TBP: variants seen among roughly 807,000 people sequenced by gnomAD.
The protein encoded by TBP is TATA-box-binding protein.
TBP carries 12 observed loss-of-function variants against 46.2 expected under a neutral mutation model. The observed-to-expected ratio is 0.26, with a 90% CI of 0.17 to 0.42. The LOEUF (loss-of-function observed/expected upper bound fraction) is 0.42, where lower values mean the gene tolerates loss of function less well. TBP is among the 10% of genes least tolerant of loss of function. TBP has a pLI of 1.00. For missense variants in TBP, 229 were observed against 403.1 expected, an observed-to-expected ratio of 0.57 and a Z score of 3.70; for synonymous variants, 157 against 148.3, an observed-to-expected ratio of 1.06 and a Z score of -0.42.
intron 1 of TBP, among the ~76,000 whole-genome samples, chr6:170,555,773 T>G (rs762969997): frequency 4.6e-5 from 7 of 152,200 alleles, no homozygotes; most frequent in Non-Finnish European, 1.0e-4. Flanking sequence ...GGCTGGTTTC[T>G]GCATTCAAGG....
intron 4 of TBP, among the ~76,000 whole-genome samples, chr6:170,565,426 G>C (rs1020933544): frequency 6.6e-6 from 1 of 152,186 alleles, no homozygotes; most frequent in Non-Finnish European, 1.5e-5. Context: ...TGGGTTGAGA[G>C]AAATGTTAAG....
At chr6:170,569,828 A>C in intron 6 of TBP, 49 bp downstream of exon 6, 1 of 1,546,314 alleles carries the variant, frequency 6.5e-7, no homozygotes, top group Non-Finnish European at 8.8e-7. Context: ...TTCATTTATA[A>C]TCTAAACATT....
At chr6:170,567,148 TA>T in intron 5 of TBP, 139 bp downstream of exon 5, 1 of 324,504 alleles carries the variant, frequency 3.1e-6, no homozygotes, top group African/African-American at 2.5e-5. Context: ...ATGATTCTAT[TA>T]ATTATTTTTA....
chr6:170,565,801 G>A (rs541436122), intron 4 of TBP, among the ~76,000 whole-genome samples: 103 of 152,264 alleles, frequency 6.8e-4, no homozygotes, highest in Non-Finnish European at 1.1e-3. Context: ...AGCCAGGCAT[G>A]GTGACTCAGA....
chr6:170,562,021 G>GCAGCAGCAGCAGCA lies in TBP; in HGVS notation c.285_286insCAGCAGCAGCAGCA (p.Ala96GlnfsTer53). 1 of 1,612,008 alleles carries GCAGCAGCAGCAGCA rather than the reference G, an allele frequency of 6.2e-7. No individual in the cohort carries two copies. The highest frequency in any genetic ancestry group is 8.5e-7 in the Non-Finnish European group (1 of 1,179,534). ...AGCAGCAGCAGCAGCAGCAGCAACA[G>GCAGCAGCAGCAGCA]GCAGTGGCAGCTGCAGCCGTTCAGC... is the stretch of plus-strand genomic sequence containing the variant. On this transcript the variant is annotated frameshift_variant, in exon 3 of 8. Transcript: ENST00000392092. LOFTEE classifies it high-confidence loss of function.
At position 170,561,820 on chromosome 6, in the gene TBP, T is replaced by C; in HGVS notation, c.84T>C (p.Phe28=). The change falls in exon 3 of 8, where the codon TTT becomes TTC. Residue 28 remains phenylalanine, a synonymous_variant. Coordinates refer to ENST00000392092, the MANE Select transcript of TBP (RefSeq NM_003194.5). ...QGAMTPGIPI[F]SPMMPYGTGL... is the part of the protein sequence containing the mutation. ...CCATGACTCCCGGAATCCCTATCTT[T>C]AGTCCAATGATGCCTTATGGCACTG... 1 of 1,611,966 alleles carries C rather than the reference T, an allele frequency of 6.2e-7. No homozygotes were observed. Among genetic ancestry groups the C allele is most frequent in the South Asian group, 1.1e-5 (1 of 91,072 alleles).
intron 3 of TBP, among the ~76,000 whole-genome samples, chr6:170,564,284 A>C (rs1562360626): frequency 6.6e-6 from 1 of 152,106 alleles, no homozygotes; most frequent in Non-Finnish European, 1.5e-5. Context: ...AGCAAGTTGC[A>C]CTCTACCTTT....
chr6:170,568,828 T>TTTC (rs1779320479), intron 5 of TBP, among the ~76,000 whole-genome samples: 2 of 117,484 alleles, frequency 1.7e-5, no homozygotes, highest in African/African-American at 6.8e-5. Context: ...TTTTTTTTTT[T>TTTC]TTTTTTTTTT....
intron 2 of TBP, among the ~76,000 whole-genome samples, chr6:170,559,522 CAGAGCAAGG>C (rs1779100696): frequency 6.6e-6 from 1 of 152,160 alleles, no homozygotes; most frequent in Non-Finnish European, 1.5e-5. Context: ...AAGTGTAATA[CAGAGCAAGG>C]CCTTAACTCT....
At chr6:170,555,312 C>T (rs1583122252) in intron 1 of TBP, among the ~76,000 whole-genome samples, 1 of 152,226 alleles carries the variant, frequency 6.6e-6, no homozygotes, top group Admixed American at 6.5e-5. Flanking sequence ...AAACTTCCGT[C>T]CTCCAGTTTT....
At chr6:170,567,770 C>T (rs1284281619) in intron 5 of TBP, among the ~76,000 whole-genome samples, 1 of 151,976 alleles carries the variant, frequency 6.6e-6, no homozygotes, top group Non-Finnish European at 1.5e-5. Context: ...AGGAATGCAC[C>T]CTTGTTATAA....
At chr6:170,567,852 C>A (rs771570994) in intron 5 of TBP, among the ~76,000 whole-genome samples, 2 of 152,174 alleles carry the variant, frequency 1.3e-5, no homozygotes, top group African/African-American at 4.8e-5. Context: ...CCTGACTGTT[C>A]TAAACAGAGC....
At position 170,572,173 on chromosome 6, in the gene TBP, CT is replaced by C; in HGVS notation, c.941-11del. The C allele has an allele frequency of 6.2e-7, 1 of 1,608,846 alleles. No homozygotes were observed. Among genetic ancestry groups the C allele is most frequent in the East Asian group, 2.2e-5 (1 of 44,820 alleles). On this transcript the variant is annotated splice_polypyrimidine_tract_variant and intron_variant, in intron 7 of 7. Transcript: ENST00000392092. ...TTTCAGTCTCTCATCTCTACTCCAACTTGTCTTCTTAGGTGCTAAAGTCAGA... is the reference window on the plus strand; with the variant it reads ...TTTCAGTCTCTCATCTCTACTCCAACTGTCTTCTTAGGTGCTAAAGTCAGA...
At chr6:170,555,941 CAAAA>C (rs530726853) in intron 1 of TBP, among the ~76,000 whole-genome samples, 1 of 150,338 alleles carries the variant, frequency 6.7e-6, no homozygotes, top group African/African-American at 2.4e-5. Flanking sequence ...GGATAACTGT[CAAAA>C]AAAAAGTATA....
chr6:170,562,974 T>A (rs1388797779), intron 3 of TBP, among the ~76,000 whole-genome samples: 1 of 152,198 alleles, frequency 6.6e-6, no homozygotes, highest in Non-Finnish European at 1.5e-5. Flanking sequence ...TTGCATTTAT[T>A]CACCTTGTTA....
In TBP at chr6:170,556,947, T is replaced by G; in HGVS notation, c.-83T>G. On this transcript the variant is annotated 5_prime_UTR_variant, in exon 2 of 8. Coordinates refer to ENST00000392092, the MANE Select transcript of TBP (RefSeq NM_003194.5). ...GAGGAAGTTGCTGAGAAGAGTGTGC[T>G]GGAGATGCTCTAGGAAAAAATTGAA... 1 of 1,315,770 alleles carries G rather than the reference T, an allele frequency of 7.6e-7. No homozygotes were observed. The highest frequency in any genetic ancestry group is 1.1e-6 in the Non-Finnish European group (1 of 912,296). The allele number at this position is 1,315,770 out of a possible 1,614,324, so 81.5% of individuals were successfully genotyped here. A position where few individuals can be genotyped will look rare whatever the true frequency, so the allele number is the denominator to read the frequency against.
intron 1 of TBP, among the ~76,000 whole-genome samples, chr6:170,556,312 A>G (rs748702393): frequency 7.9e-5 from 12 of 152,124 alleles, no homozygotes; most frequent in Non-Finnish European, 1.2e-4. Flanking sequence ...ATGTGTTCTA[A>G]AGAGGTAAGG....
intron 3 of TBP, 136 bp from the exon 4 acceptor site, chr6:170,564,409 T>C (rs973015703): frequency 3.3e-5 from 18 of 542,916 alleles, no homozygotes; most frequent in Non-Finnish European, 4.2e-5. Flanking sequence ...TGATACTTGT[T>C]AAACAATAAA....
chr6:170,570,941 T>C (rs1036848693), intron 6 of TBP, among the ~76,000 whole-genome samples: 1 of 152,180 alleles, frequency 6.6e-6, no homozygotes, highest in African/African-American at 2.4e-5. Flanking sequence ...CTGACCACAA[T>C]TGTCAGCTAG....
Sources: gnomAD v4.1 joint callset for allele counts (sites outside exome capture counted in the v4.1 genomes callset) on GRCh38, gnomAD v4.1.1 for gene constraint, MANE v1.5 for transcripts, NCBI Gene and HGNC (gene_info 2026-07-23, HGNC 2026-07-21) for gene names.